The following PTBP2 variants were observed in gnomAD, a reference collection of about 807,000 sequenced individuals.
The protein encoded by PTBP2 is polypyrimidine tract-binding protein 2.
PTBP2 carries 13 observed loss-of-function variants against 61.4 expected under a neutral mutation model. The ratio of observed to expected loss-of-function variants is 0.21; its 90% CI spans 0.14 to 0.34. The LOEUF is 0.34. Among genes scored for constraint, PTBP2 ranks in the 10% least tolerant of loss-of-function variants. PTBP2 has a pLI of 1.00. For synonymous variants in PTBP2, 215 were observed against 218.5 expected, an observed-to-expected ratio of 0.98 and a Z score of 0.14; for missense variants, 405 against 642.6, an observed-to-expected ratio of 0.63 and a Z score of 4.00.
chr1:96,773,344 ATCT>A (rs1396461995), intron 5 of PTBP2, among the ~76,000 whole-genome samples: 10 of 152,056 alleles, frequency 6.6e-5, no homozygotes, highest in Admixed American at 6.5e-4. Flanking sequence ...TTTATTTTTC[ATCT>A]TCTAAAGCCC....
intron 7 of PTBP2, among the ~76,000 whole-genome samples, chr1:96,779,350 A>G (rs1399049617): frequency 1.3e-5 from 2 of 151,956 alleles, no homozygotes; most frequent in Non-Finnish European, 2.9e-5. Flanking sequence ...GGTGTGGAAT[A>G]TTTTCCTTGC....
At chr1:96,796,562 A>C (rs1018219085) in intron 8 of PTBP2, among the ~76,000 whole-genome samples, 6 of 152,188 alleles carry the variant, frequency 3.9e-5, no homozygotes, top group Admixed American at 3.9e-4. Context: ...AATGGACTGG[A>C]AATTCAGCTA....
chr1:96,790,083 C>A (rs1403044473), intron 8 of PTBP2, among the ~76,000 whole-genome samples: 2 of 151,908 alleles, frequency 1.3e-5, no homozygotes, highest in East Asian at 3.9e-4. Flanking sequence ...TGTAATAGTC[C>A]TCTCCCTCTC....
chr1:96,778,074 A>G, intron 7 of PTBP2, 128 bp downstream of exon 7: 1 of 395,848 alleles, frequency 2.5e-6, no homozygotes, highest in Non-Finnish European at 4.5e-6. Context: ...TGGCATTAAT[A>G]TTAAGAAACC....
chr1:96,784,370 G>A (rs1411510365), intron 7 of PTBP2, among the ~76,000 whole-genome samples: 2 of 152,020 alleles, frequency 1.3e-5, no homozygotes, highest in African/African-American at 4.8e-5. Context: ...GATTCAGAGA[G>A]GTCAAATAAC....
intron 2 of PTBP2, among the ~76,000 whole-genome samples, chr1:96,732,571 G>A (rs1651572392): frequency 6.6e-6 from 1 of 152,132 alleles, no homozygotes; most frequent in African/African-American, 2.4e-5. Context: ...ACTCTAATGA[G>A]CCATTTATCA....
intron 8 of PTBP2, among the ~76,000 whole-genome samples, chr1:96,803,514 CAG>C (rs879154353): frequency 2.0e-5 from 3 of 151,946 alleles, no homozygotes; most frequent in Admixed American, 2.0e-4. Flanking sequence ...ATGCCACTGA[CAG>C]AGTTCTCAGA....
At chr1:96,777,477 G>T in intron 5 of PTBP2, 108 bp from the exon 6 acceptor site, 1 of 939,048 alleles carries the variant, frequency 1.1e-6, no homozygotes. Context: ...ATTTAATTTT[G>T]TTTAATCTGT....
At chr1:96,770,174 A>G (rs1657222479) in intron 4 of PTBP2, among the ~76,000 whole-genome samples, 1 of 152,080 alleles carries the variant, frequency 6.6e-6, no homozygotes, top group African/African-American at 2.4e-5. Context: ...CTTTGGTATC[A>G]GAAATCAGCA....
chr1:96,809,076 A>C lies in PTBP2; in HGVS notation c.1171+2118A>C, dbSNP rs918021836. On this transcript the variant is annotated intron_variant, in intron 11 of 13. Transcript: ENST00000674951. ...TTGATAAAGGATTTAGTTCACTAGA[A>C]AGATATAACAGTTTATGTATATGTG... Among the ~76,000 whole-genome samples, 5 of 152,180 alleles carry C rather than the reference A, an allele frequency of 3.3e-5. No homozygotes were observed. In the East Asian group the frequency reaches 7.7e-4, roughly 23 times the overall value.
At chr1:96,743,321 C>T (rs1182561138) in intron 2 of PTBP2, among the ~76,000 whole-genome samples, 1 of 151,702 alleles carries the variant, frequency 6.6e-6, no homozygotes, top group African/African-American at 2.4e-5. Context: ...GCTGATTGTA[C>T]CGCTGTGTTG....
intron 5 of PTBP2, among the ~76,000 whole-genome samples, chr1:96,775,897 A>C (rs1486861549): frequency 6.6e-6 from 1 of 152,108 alleles, no homozygotes; most frequent in East Asian, 1.9e-4. Flanking sequence ...GTATTAAATA[A>C]AAGTATGAAT....
intron 7 of PTBP2, chr1:96,784,805 A>T (rs1013191092): frequency 2.2e-5 from 7 of 317,244 alleles, no homozygotes; most frequent in African/African-American, 1.3e-4. Context: ...TTAAAAATTA[A>T]AAGTATTAGC....
intron 5 of PTBP2, among the ~76,000 whole-genome samples, chr1:96,775,929 T>C (rs1485169223): frequency 1.3e-5 from 2 of 151,950 alleles, no homozygotes; most frequent in Non-Finnish European, 1.5e-5. Context: ...AAAATATGAA[T>C]AGTATTGAAA....
rs1042734974 is a variant in PTBP2, at chr1:96,726,110, A to T, written c.39+2516A>T. 2.8e-5 allele frequency among the ~76,000 whole-genome samples: 4 copies of T among 142,106 alleles called. No individual in the cohort carries two copies. In the East Asian group the frequency reaches 6.2e-4, roughly 22 times the overall value. 93.2% of individuals were successfully genotyped at this position (142,106 alleles called of 152,430 possible). Reference sequence around the variant, plus strand: ...AAAAAAAAAAAAAAAAAAAAAAAAAAATTCAAACTGCTTCACAGCTTTTTT... The same window carrying T: ...AAAAAAAAAAAAAAAAAAAAAAAAATATTCAAACTGCTTCACAGCTTTTTT... On this transcript the variant is annotated intron_variant, in intron 2 of 13. Transcript: ENST00000674951.
intron 5 of PTBP2, among the ~76,000 whole-genome samples, chr1:96,774,080 C>T (rs1432632728): frequency 6.6e-6 from 1 of 151,146 alleles, no homozygotes; most frequent in African/African-American, 2.4e-5. Context: ...GGTCACACCA[C>T]TGCACTCCAG....
Position 96,751,508 on chromosome 1 carries a change from T to G in PTBP2, c.115+8T>G, listed in dbSNP as rs1316943904. 8 of 1,605,762 alleles carry G rather than the reference T, an allele frequency of 5.0e-6. No homozygotes were observed. Among genetic ancestry groups the G allele is most frequent in the Non-Finnish European group, 6.8e-6 (8 of 1,173,076 alleles). ...GCAGCATGGTAGTTACAGGTAAGTG[T>G]TACTCTCTTAGCAGTCTGTCATTTG... On this transcript the variant is annotated splice_region_variant and intron_variant, in intron 3 of 13. Transcript: ENST00000674951.
At chr1:96,768,733 G>T (rs1461394673) in intron 3 of PTBP2, among the ~76,000 whole-genome samples, 1 of 151,902 alleles carries the variant, frequency 6.6e-6, no homozygotes, top group Non-Finnish European at 1.5e-5. Flanking sequence ...AAATCTCACG[G>T]TAACAGAATA....
At chr1:96,783,361 A>G (rs550549117) in intron 7 of PTBP2, among the ~76,000 whole-genome samples, 5 of 152,024 alleles carry the variant, frequency 3.3e-5, no homozygotes, top group South Asian at 2.1e-4. Flanking sequence ...CCACCTACAT[A>G]AAGTTTTTGT....
Sources: allele counts gnomAD v4.1 joint callset (sites outside exome capture counted in the v4.1 genomes callset), GRCh38; gene constraint gnomAD v4.1.1; transcripts MANE v1.5; gene names NCBI Gene and HGNC (gene_info 2026-07-23, HGNC 2026-07-21).